Variants in RECK observed in about 807,000 individuals in gnomAD.
RECK encodes the protein reversion inducing cysteine rich protein with kazal motifs, also known as reversion-inducing cysteine-rich protein with Kazal motifs.
Under a neutral mutation model 115.1 loss-of-function variants are expected in RECK, and 69 were observed. The observed-to-expected ratio is 0.60, with a 90% CI of 0.49 to 0.73. RECK has a LOEUF of 0.73. Among genes scored for constraint, RECK ranks in the 30% least tolerant of loss-of-function variants. The pLI, the probability that RECK is intolerant of heterozygous loss-of-function variation, is 0.00. For missense variants in RECK, 1,047 were observed against 1,203.7 expected (o/e 0.87, Z 1.93); for synonymous variants, 414 against 419.7 (o/e 0.99, Z 0.17).
intron 9 of RECK, among the ~76,000 whole-genome samples, chr9:36,089,016 C>T (rs1020651532): frequency 3.3e-5 from 5 of 151,968 alleles, no homozygotes; most frequent in South Asian, 4.2e-4. Flanking sequence ...GTGAAGACTC[C>T]GTCTCAAAAT....
intron 12 of RECK, among the ~76,000 whole-genome samples, chr9:36,102,468 C>G (rs1823598659): frequency 6.6e-6 from 1 of 152,154 alleles, no homozygotes; most frequent in Non-Finnish European, 1.5e-5. Context: ...TGTGGTCAGT[C>G]AGGAATTCTA....
At chr9:36,083,232 T>C in intron 7 of RECK, 133 bp from the exon 8 acceptor site, 1 of 895,376 alleles carries the variant, frequency 1.1e-6, no homozygotes, top group East Asian at 2.6e-5. Flanking sequence ...GTGCCGATTT[T>C]AAGTGTTCAT....
At chr9:36,122,437 G>C (rs925818075) in intron 20 of RECK, among the ~76,000 whole-genome samples, 4 of 152,208 alleles carry the variant, frequency 2.6e-5, no homozygotes, top group Non-Finnish European at 5.9e-5. Flanking sequence ...CAGTGGCATT[G>C]TGGATTATTT....
intron 13 of RECK, 46 bp downstream of exon 13, chr9:36,105,329 G>A: frequency 3.1e-6 from 5 of 1,598,700 alleles, no homozygotes; most frequent in Non-Finnish European, 3.4e-6. Context: ...GGTGCTGCTA[G>A]TGTTTCTTTA....
chr9:36,104,719 G>T (rs1307233744), intron 12 of RECK, among the ~76,000 whole-genome samples: 1 of 151,934 alleles, frequency 6.6e-6, no homozygotes, highest in East Asian at 1.9e-4. Flanking sequence ...ATGTTGGCCA[G>T]GCTGGTCTCA....
At position 36,058,885 on chromosome 9, in the gene RECK, A is replaced by G. The variant is rs532961076; in HGVS notation, c.218A>G (p.Tyr73Cys). Reference protein sequence around the residue: ...LKHLLQRAPDYCPETMVEIWN... With the variant: ...LKHLLQRAPDCCPETMVEIWN... ...CATCTGTTGCAGCGAGCCCCAGATT[A>G]TTGCCCAGAGACAATGGTAAGTCTT... is the stretch of plus-strand genomic sequence containing the variant. The change falls in exon 3 of 21, where the codon TAT becomes TGT. Residue 73 changes from tyrosine to cysteine, a missense_variant. Coordinates refer to ENST00000377966, the MANE Select transcript of RECK (RefSeq NM_021111.3). 4.4e-6 allele frequency: 7 copies of G among 1,584,226 alleles called. No individual in the cohort carries two copies. The highest frequency in any genetic ancestry group is 6.0e-6 in the Non-Finnish European group (7 of 1,162,542).
intron 3 of RECK, 69 bp from the exon 4 acceptor site, chr9:36,060,050 G>T: frequency 7.1e-7 from 1 of 1,409,490 alleles, no homozygotes; most frequent in Non-Finnish European, 1.0e-6. Context: ...CATAATTTCT[G>T]TAGAAATTAA....
At chr9:36,105,956 G>A (rs1003198554) in intron 13 of RECK, among the ~76,000 whole-genome samples, 3 of 152,278 alleles carry the variant, frequency 2.0e-5, no homozygotes, top group African/African-American at 4.8e-5. Context: ...GCTCACGCCT[G>A]TAATCGCAGC....
chr9:36,108,216 T>G, intron 14 of RECK, 52 bp downstream of exon 14: 1 of 1,346,470 alleles, frequency 7.4e-7, no homozygotes, highest in Non-Finnish European at 1.0e-6. Context: ...TTATTTTTAC[T>G]TTGTAGGAAG....
At chr9:36,105,080 A>G in intron 12 of RECK, 63 bp from the exon 13 acceptor site, 1 of 1,385,118 alleles carries the variant, frequency 7.2e-7, no homozygotes, top group Non-Finnish European at 1.0e-6. Flanking sequence ...ATTAATTCAG[A>G]TAATTTACAG....
chr9:36,070,535 A>G (rs1393329554), intron 6 of RECK, among the ~76,000 whole-genome samples: 1 of 152,062 alleles, frequency 6.6e-6, no homozygotes, highest in Admixed American at 6.5e-5. Flanking sequence ...TAGAGAGTAG[A>G]GAGCTGAGTT....
At chr9:36,063,381 A>C (rs1821860342) in intron 4 of RECK, among the ~76,000 whole-genome samples, 1 of 152,182 alleles carries the variant, frequency 6.6e-6, no homozygotes. Flanking sequence ...TTTTGAATAC[A>C]GTAATACTTG....
chr9:36,084,540 C>T (rs1822866105), intron 8 of RECK, among the ~76,000 whole-genome samples: 1 of 151,590 alleles, frequency 6.6e-6, no homozygotes, highest in Non-Finnish European at 1.5e-5. Context: ...ACTAAAAATA[C>T]AAAAATCAGC....
intron 6 of RECK, among the ~76,000 whole-genome samples, chr9:36,076,075 T>A (rs114263502): frequency 0.02 from 3,069 of 152,058 alleles, 108 homozygotes; most frequent in African/African-American, 0.07. Flanking sequence ...AAAAGCCAAA[T>A]CAAATTGGAC....
rs759441344 is a variant in RECK, at chr9:36,123,009, G to T, written c.2880G>T (p.Leu960Phe). 5 of 1,613,916 alleles carry T rather than the reference G, an allele frequency of 3.1e-6. No homozygotes were observed. Among genetic ancestry groups the T allele is most frequent in the Admixed American group, 3.3e-5 (2 of 59,986 alleles). The part of the protein sequence containing the change: ...SCHSLLLPLS[L>F]GLALHLLWTY... ...ACTCCCTCCTCCTTCCCCTCAGCTTGGGCCTTGCCTTGCACTTGCTCTGGA... is the reference window on the plus strand; with the variant it reads ...ACTCCCTCCTCCTTCCCCTCAGCTTTGGCCTTGCCTTGCACTTGCTCTGGA... The change falls in exon 21 of 21, where the codon TTG becomes TTT. Residue 960 changes from leucine (L) to phenylalanine (F), a missense_variant. Physicochemically the swap from Leu to Phe is conservative, Grantham distance 22. Coordinates refer to ENST00000377966, the MANE Select transcript of RECK (RefSeq NM_021111.3).
Position 36,121,580 on chromosome 9 carries a change from C to G in RECK, c.2586C>G (p.Ile862Met), listed in dbSNP as rs1156496231. Residue 862 changes from isoleucine to methionine, a missense_variant, in exon 20 of 21, where the codon ATC becomes ATG. Transcript: ENST00000377966. Reference sequence around the variant, plus strand: ...CAGTTCTGGAAATACTTCAGAAAATCCGCATGCACGTGTCTGTCCCACAGT... The same window carrying G: ...CAGTTCTGGAAATACTTCAGAAAATGCGCATGCACGTGTCTGTCCCACAGT... ...PITVLEILQK[I>M]RMHVSVPQCD... 6.2e-7 allele frequency: 1 copy of G among 1,614,028 alleles called. No homozygotes were observed. The highest frequency in any genetic ancestry group is 8.5e-7 in the Non-Finnish European group (1 of 1,179,914).
intron 8 of RECK, chr9:36,085,724 A>G (rs931147170): frequency 4.4e-5 from 6 of 134,840 alleles, no homozygotes; most frequent in African/African-American, 8.7e-5. Flanking sequence ...CTCGGGGGGA[A>G]AAAAAAAGAT....
At chr9:36,112,234 C>A in intron 15 of RECK, 71 bp from the exon 16 acceptor site, 1 of 1,467,994 alleles carries the variant, frequency 6.8e-7, no homozygotes, top group Non-Finnish European at 9.4e-7. Flanking sequence ...TCATGGTTTG[C>A]CTTAACAAGG....
At chr9:36,092,891 G>C (rs984767532) in intron 10 of RECK, among the ~76,000 whole-genome samples, 1 of 152,070 alleles carries the variant, frequency 6.6e-6, no homozygotes, top group Non-Finnish European at 1.5e-5. Flanking sequence ...CCACAAGGGA[G>C]GGAACCACAA....
Sources: gnomAD v4.1 joint callset for allele counts (sites outside exome capture counted in the v4.1 genomes callset) on GRCh38, gnomAD v4.1.1 for gene constraint, MANE v1.5 for transcripts, NCBI Gene and HGNC (gene_info 2026-07-23, HGNC 2026-07-21) for gene names.